CCSER1: variants seen among roughly 807,000 people sequenced by gnomAD.
CCSER1 encodes serine-rich coiled-coil domain-containing protein 1.
In CCSER1, 41 loss-of-function variants were observed where a neutral mutation model predicts 82.0. That is an observed-to-expected ratio of 0.50 (90% CI 0.39 to 0.65). The LOEUF (loss-of-function observed/expected upper bound fraction) is 0.65. CCSER1 is among the 30% of genes least tolerant of loss of function. The pLI is 0.00. For missense variants in CCSER1, 1,119 were observed against 1,064.2 expected (o/e 1.05, Z -0.72); for synonymous variants, 414 against 383.9 (o/e 1.08, Z -0.92).
intron 9 of CCSER1, among the ~76,000 whole-genome samples, chr4:91,068,484 A>C (rs182268076): frequency 6.6e-6 from 1 of 152,338 alleles, no homozygotes; most frequent in Non-Finnish European, 1.5e-5. Context: ...TTAATAAAGT[A>C]AGATTTCCAG....
In CCSER1 at chr4:90,802,133, G is replaced by A. The variant is rs200202399; in HGVS notation, c.2011-13629G>A. Among the ~76,000 whole-genome samples the A allele has an allele frequency of 5.1e-4, 77 of 151,620 alleles. 1 individual carries two copies. In the East Asian group the frequency reaches 0.011, roughly 23 times the overall value. On this transcript the variant is annotated intron_variant, in intron 7 of 10. Transcript: ENST00000509176. ...CTTGGGAGGCTGAGGCACGAGAATC[G>A]CTTGAACCCGGGAGGCGGAGTTTGC... is the stretch of plus-strand genomic sequence containing the variant.
intron 9 of CCSER1, among the ~76,000 whole-genome samples, chr4:90,996,969 A>G (rs756691837): frequency 6.6e-6 from 1 of 152,188 alleles, no homozygotes; most frequent in African/African-American, 2.4e-5. Flanking sequence ...AAATTTGTGT[A>G]CAAGTTTTTG....
intron 4 of CCSER1, among the ~76,000 whole-genome samples, chr4:90,430,339 A>G (rs576745072): frequency 3.3e-5 from 5 of 152,034 alleles, no homozygotes; most frequent in African/African-American, 1.2e-4. Context: ...AAGAGGGCAA[A>G]ACTCACTGTG....
chr4:91,439,463 A>C (rs988911752), intron 10 of CCSER1, among the ~76,000 whole-genome samples: 20 of 152,158 alleles, frequency 1.3e-4, no homozygotes, highest in African/African-American at 4.3e-4. Flanking sequence ...GCCTGCCCTA[A>C]AAGAGCTCCT....
In CCSER1 at chr4:90,907,698, CGTT is replaced by C. The variant is rs565293609; in HGVS notation, c.2095-15668_2095-15666del. Among the ~76,000 whole-genome samples, 41 of 151,948 alleles carry C rather than the reference CGTT, an allele frequency of 2.7e-4. No individual in the cohort carries two copies. In the East Asian group the frequency reaches 7.4e-3, roughly 27 times the overall value. ...CTCAGACGTATATTTGATTTTTACC[CGTT>C]GTTTAATATCCTCACTTTTCTCTTT... On this transcript the variant is annotated intron_variant, in intron 8 of 10. Transcript: ENST00000509176.
At chr4:91,339,805 T>C (rs7699962) in intron 10 of CCSER1, among the ~76,000 whole-genome samples, 118,760 of 151,872 alleles carry the variant, frequency 0.78, 47,114 homozygotes, top group African/African-American at 0.92. Context: ...TTTTTTTTCT[T>C]TACATGAATA....
chr4:91,569,744 G>C (rs537452450), intron 10 of CCSER1, among the ~76,000 whole-genome samples: 7 of 152,236 alleles, frequency 4.6e-5, no homozygotes, highest in African/African-American at 1.7e-4. Context: ...GGGAACAACA[G>C]TTCAAGATGA....
rs558963613 is a variant in CCSER1 at position 90,297,704 on chromosome 4, G to A, written c.-41-10540G>A. Among the ~76,000 whole-genome samples, 3 of 152,024 alleles carry A rather than the reference G, an allele frequency of 2.0e-5. No individual in the cohort carries two copies. The East Asian group carries it at 5.8e-4, about 29-fold the overall frequency. ...ATTTATTGAGAGTTTTTAGCATGAA[G>A]GGTTGTTGAATTTTGTCAAAGGCCT... On this transcript the variant is annotated intron_variant, in intron 1 of 10. Coordinates refer to ENST00000509176, the MANE Select transcript of CCSER1 (RefSeq NM_001145065.2).
chr4:90,306,442 CATA>C (rs1465127386), intron 1 of CCSER1, among the ~76,000 whole-genome samples: 2 of 151,948 alleles, frequency 1.3e-5, no homozygotes, highest in African/African-American at 2.4e-5. Context: ...CGTTATACCT[CATA>C]AGTATATACA....
intron 5 of CCSER1, among the ~76,000 whole-genome samples, chr4:90,495,345 A>G (rs1768822553): frequency 6.6e-6 from 1 of 152,160 alleles, no homozygotes; most frequent in Non-Finnish European, 1.5e-5. Flanking sequence ...ATGCATTAAC[A>G]TGACCATTGT....
intron 1 of CCSER1, among the ~76,000 whole-genome samples, chr4:90,200,305 A>C (rs115381527): frequency 6.6e-6 from 1 of 152,054 alleles, no homozygotes; most frequent in Non-Finnish European, 1.5e-5. Context: ...TCTAAATTCT[A>C]CTGAGGATTA....
intron 7 of CCSER1, among the ~76,000 whole-genome samples, chr4:90,765,838 T>C (rs1428075841): frequency 6.6e-6 from 1 of 152,102 alleles, no homozygotes; most frequent in East Asian, 1.9e-4. Context: ...GAGGATAATA[T>C]TGTGAGTTGA....
intron 9 of CCSER1, among the ~76,000 whole-genome samples, chr4:91,058,832 A>G (rs981593470): frequency 6.6e-6 from 1 of 152,096 alleles, no homozygotes; most frequent in East Asian, 1.9e-4. Context: ...TATAGCTCTT[A>G]TGGAAGATCT....
chr4:90,859,263 T>C (rs562766395), intron 8 of CCSER1, among the ~76,000 whole-genome samples: 1 of 152,038 alleles, frequency 6.6e-6, no homozygotes, highest in East Asian at 1.9e-4. Flanking sequence ...AACATAATTT[T>C]AGTTACTGTA....
intron 9 of CCSER1, among the ~76,000 whole-genome samples, chr4:90,989,518 A>T (rs950863792): frequency 6.6e-6 from 1 of 151,762 alleles, no homozygotes. Flanking sequence ...GCTTCTGAGA[A>T]TAATGGTTTC....
intron 10 of CCSER1, among the ~76,000 whole-genome samples, chr4:91,449,143 G>A (rs113483452): frequency 3.7e-4 from 56 of 152,130 alleles, no homozygotes; most frequent in African/African-American, 1.3e-3. Flanking sequence ...TTTGCTTTAT[G>A]TAAATTATTC....
chr4:90,371,553 AAC>A (rs1747419967), intron 3 of CCSER1, among the ~76,000 whole-genome samples: 1 of 151,950 alleles, frequency 6.6e-6, no homozygotes, highest in South Asian at 2.1e-4. Flanking sequence ...AAAGAAAAAA[AAC>A]AGTTATGAAA....
intron 10 of CCSER1, among the ~76,000 whole-genome samples, chr4:91,237,502 T>C (rs1739109055): frequency 6.6e-6 from 1 of 152,100 alleles, no homozygotes; most frequent in Non-Finnish European, 1.5e-5. Flanking sequence ...AAGAGCCTAA[T>C]TTTTTAACTT....
chr4:90,276,265 T>C (rs1264286982), intron 1 of CCSER1, among the ~76,000 whole-genome samples: 3 of 120,526 alleles, frequency 2.5e-5, no homozygotes, highest in African/African-American at 1.0e-4. Context: ...CTTCCTTCCT[T>C]CCTTCCTTCC....
Sources: allele counts gnomAD v4.1 joint callset (sites outside exome capture counted in the v4.1 genomes callset), GRCh38; gene constraint gnomAD v4.1.1; transcripts MANE v1.5; gene names NCBI Gene and HGNC (gene_info 2026-07-23, HGNC 2026-07-21).